The following ST3GAL1 variants were observed in gnomAD, a reference collection of about 807,000 sequenced individuals.
The protein encoded by ST3GAL1 is ST3 beta-galactoside alpha-2,3-sialyltransferase 1.
A neutral mutation model predicts 34.1 loss-of-function variants in ST3GAL1; 16 were observed. That is an observed-to-expected ratio of 0.47 (90% CI 0.32 to 0.71). The LOEUF (loss-of-function observed/expected upper bound fraction) is 0.71, where lower values mean the gene tolerates loss of function less well. Ranked by LOEUF, ST3GAL1 falls within the 30% of genes least tolerant of loss-of-function variation. The pLI is 0.04. For synonymous variants in ST3GAL1, 191 were observed against 184.7 expected, an observed-to-expected ratio of 1.03 and a Z score of -0.28; for missense variants, 353 against 447.4, an observed-to-expected ratio of 0.79 and a Z score of 1.90.
chr8:133,562,794 T>TTTCCTTCCTTCCTTCCTTCC (rs772597674), intron 1 of ST3GAL1, among the ~76,000 whole-genome samples: 25 of 108,596 alleles, frequency 2.3e-4, no homozygotes, highest in African/African-American at 8.4e-4. Context: ...TCTTTCTTTC[T>TTTCCTTCCTTCCTTCCTTCC]TTCCTTCCTT....
intron 8 of ST3GAL1, 51 bp downstream of exon 8, chr8:133,463,363 T>G: frequency 6.2e-7 from 1 of 1,604,590 alleles, no homozygotes; most frequent in Non-Finnish European, 8.5e-7. Flanking sequence ...GAGCAGAGCC[T>G]TAGATGAGGA....
intron 2 of ST3GAL1, among the ~76,000 whole-genome samples, chr8:133,540,796 CATAT>C (rs1325951052): frequency 8.5e-6 from 1 of 117,014 alleles, no homozygotes; most frequent in East Asian, 2.4e-4. Flanking sequence ...TATATATAGA[CATAT>C]ATATAGAGAG....
intron 2 of ST3GAL1, among the ~76,000 whole-genome samples, chr8:133,506,009 T>C (rs1817324711): frequency 6.6e-6 from 1 of 152,222 alleles, no homozygotes; most frequent in Non-Finnish European, 1.5e-5. Context: ...TAAAATAGAA[T>C]AAAATTTAAA....
intron 2 of ST3GAL1, among the ~76,000 whole-genome samples, chr8:133,527,127 C>G (rs1398443358): frequency 1.3e-5 from 2 of 152,078 alleles, no homozygotes; most frequent in African/African-American, 4.8e-5. Flanking sequence ...AGGGGCTGCT[C>G]TTTAACAAAG....
intron 2 of ST3GAL1, among the ~76,000 whole-genome samples, chr8:133,500,484 G>A (rs1817114247): frequency 6.6e-6 from 1 of 152,198 alleles, no homozygotes; most frequent in African/African-American, 2.4e-5. Flanking sequence ...CTGCAGGGAA[G>A]GTTATAGGGA....
intron 2 of ST3GAL1, among the ~76,000 whole-genome samples, chr8:133,528,155 C>G (rs1243036301): frequency 6.6e-6 from 1 of 151,864 alleles, no homozygotes; most frequent in Non-Finnish European, 1.5e-5. Flanking sequence ...AGCCTGGTGA[C>G]AGAGCGAGAC....
At chr8:133,541,098 T>TATATATATATATATAAAC (rs1818506570) in intron 2 of ST3GAL1, among the ~76,000 whole-genome samples, 1 of 38,600 alleles carries the variant, frequency 2.6e-5, no homozygotes, top group African/African-American at 1.8e-4. Flanking sequence ...TATATAAACA[T>TATATATATATATATAAAC]ATATATATAT....
In ST3GAL1 at chr8:133,469,694, G is replaced by T. The variant is rs1815876674; in HGVS notation, c.307-3604C>A. On this transcript the variant is annotated intron_variant, in intron 5 of 9. Transcript: ENST00000522652. The surrounding 1 kb of genome is among the most constrained non-coding windows in gnomAD (Gnocchi z 4.3). ...CCCAGGCAAACTCTCCTCTCCCTTA[G>T]AACAAGGCTGACAAGCGCTGACAAG... Among the ~76,000 whole-genome samples, 1 of 152,204 alleles carries T rather than the reference G, an allele frequency of 6.6e-6. No individual in the cohort carries two copies.
In ST3GAL1 at chr8:133,505,963, TTAAC is replaced by T. The variant is rs113447629; in HGVS notation, c.-428-6778_-428-6775del. On this transcript the variant is annotated intron_variant, in intron 2 of 9. Coordinates refer to ENST00000522652, the MANE Select transcript of ST3GAL1 (RefSeq NM_173344.3). ...ACAAGTCCTCAGTTGCACTCATTAA[TTAAC>T]TAATTAATGCCACTAATTAAATTAA... Among the ~76,000 whole-genome samples the T allele has an allele frequency of 1.4e-3, 219 of 152,336 alleles. 1 individual carries two copies. Among genetic ancestry groups the T allele is most frequent in the African/African-American group, 5.0e-3 (209 of 41,574 alleles).
At position 133,570,794 on chromosome 8, in the gene ST3GAL1, T is replaced by C. The variant is rs548513125; in HGVS notation, c.-582+899A>G. ...CTCACCAGAGCGCCTCGCCCCAGGG[T>C]CACCGCTGTCCGTCCCCGTGCGCTC... On this transcript the variant is annotated intron_variant, in intron 1 of 9. Transcript: ENST00000522652. This position sits in a 1 kb window ranked among gnomAD's most constrained non-coding sequence, Gnocchi z 5.6. Among the ~76,000 whole-genome samples the C allele has an allele frequency of 6.6e-6, 1 of 152,262 alleles. No individual in the cohort carries two copies. Among genetic ancestry groups the C allele is most frequent in the East Asian group, 1.9e-4 (1 of 5,176 alleles).
At chr8:133,526,402 C>T (rs1189375891) in intron 2 of ST3GAL1, among the ~76,000 whole-genome samples, 1 of 152,096 alleles carries the variant, frequency 6.6e-6, no homozygotes, top group African/African-American at 2.4e-5. Context: ...TCCAACCACC[C>T]AGGGCCACAA....
At chr8:133,566,662 G>T (rs1413218268) in intron 1 of ST3GAL1, among the ~76,000 whole-genome samples, 2 of 152,156 alleles carry the variant, frequency 1.3e-5, no homozygotes, top group Non-Finnish European at 1.5e-5. Context: ...TCTCCTACCT[G>T]CCACCTGCCA....
intron 7 of ST3GAL1, among the ~76,000 whole-genome samples, chr8:133,463,917 A>G (rs979098759): frequency 3.3e-5 from 5 of 152,166 alleles, no homozygotes; most frequent in Admixed American, 1.3e-4. Flanking sequence ...TCCTGCTCCC[A>G]GAGAGACTGC....
chr8:133,513,084 G>A (rs1817539457), intron 2 of ST3GAL1, among the ~76,000 whole-genome samples: 1 of 152,076 alleles, frequency 6.6e-6, no homozygotes, highest in African/African-American at 2.4e-5. Flanking sequence ...GACACAATGG[G>A]CCCAGTGTCC....
chr8:133,551,528 GA>G (rs1222525614), intron 1 of ST3GAL1, among the ~76,000 whole-genome samples: 4 of 128,478 alleles, frequency 3.1e-5, no homozygotes, highest in African/African-American at 3.2e-5. Context: ...GAAAGAAAGA[GA>G]AAGAAAGAGA....
intron 1 of ST3GAL1, among the ~76,000 whole-genome samples, chr8:133,562,827 T>A (rs1260888709): frequency 8.6e-6 from 1 of 115,690 alleles, no homozygotes; most frequent in Non-Finnish European, 1.7e-5. Flanking sequence ...CCTTCCTTCC[T>A]TCCTTCCTTC....
At chr8:133,561,961 G>A (rs1004570032) in intron 1 of ST3GAL1, among the ~76,000 whole-genome samples, 2 of 151,972 alleles carry the variant, frequency 1.3e-5, no homozygotes, top group Admixed American at 1.3e-4. Flanking sequence ...CCACAATGGC[G>A]TATACCTGTA....
In ST3GAL1 at chr8:133,468,165, C is replaced by T. The variant is rs137964235; in HGVS notation, c.307-2075G>A. The stretch of plus-strand genomic sequence containing the variant: ...GGGTCTCAAGCAGATATTGGTATAC[C>T]CATGTTCAAAGCAGCATTATTCATA... On this transcript the variant is annotated intron_variant, in intron 5 of 9. Coordinates refer to ENST00000522652, the MANE Select transcript of ST3GAL1 (RefSeq NM_173344.3). 1.5e-3 allele frequency among the ~76,000 whole-genome samples: 231 copies of T among 152,114 alleles called. 3 individuals are homozygous for T. Among genetic ancestry groups the T allele is most frequent in the African/African-American group, 5.3e-3 (221 of 41,474 alleles).
intron 1 of ST3GAL1, among the ~76,000 whole-genome samples, chr8:133,548,212 T>C (rs1207109207): frequency 6.6e-6 from 1 of 152,170 alleles, no homozygotes; most frequent in African/African-American, 2.4e-5. Flanking sequence ...AGTCTTAAAA[T>C]AGCCATCGCC....
Sources: allele counts gnomAD v4.1 joint callset (sites outside exome capture counted in the v4.1 genomes callset), GRCh38; gene constraint gnomAD v4.1.1; non-coding constraint Gnocchi (gnomAD v3.1); transcripts MANE v1.5; gene names NCBI Gene and HGNC (gene_info 2026-07-23, HGNC 2026-07-21).